MARCHF6: variants seen among roughly 807,000 people sequenced by gnomAD.
The protein encoded by MARCHF6 is membrane associated ring-CH-type finger 6, also known as E3 ubiquitin-protein ligase MARCHF6.
A neutral mutation model predicts 133.7 loss-of-function variants in MARCHF6; 31 were observed. That is an observed-to-expected ratio of 0.23 (90% confidence interval 0.17 to 0.31). MARCHF6 has a LOEUF of 0.31. Ranked by LOEUF, MARCHF6 falls within the 10% of genes least tolerant of loss-of-function variation. The pLI is 1.00. For missense variants in MARCHF6, 723 were observed against 1,121.6 expected (o/e 0.64, Z 5.08); for synonymous variants, 395 against 402.5 (o/e 0.98, Z 0.22).
At chr5:10,407,953 T>TCCCCCCCC (rs11349150) in intron 17 of MARCHF6, among the ~76,000 whole-genome samples, 1 of 81,872 alleles carries the variant, frequency 1.2e-5, no homozygotes, top group African/African-American at 5.4e-5. Context: ...TGAAACTGCA[T>TCCCCCCCC]CCCCCCCCCC....
chr5:10,402,188 A>G, intron 12 of MARCHF6, 49 bp downstream of exon 12: 1 of 1,269,444 alleles, frequency 7.9e-7, no homozygotes, highest in East Asian at 2.3e-5. Context: ...TATTCATACC[A>G]AAGAACTCTT....
intron 21 of MARCHF6, among the ~76,000 whole-genome samples, chr5:10,416,566 T>A (rs1302370398): frequency 6.6e-6 from 1 of 152,208 alleles, no homozygotes; most frequent in African/African-American, 2.4e-5. Context: ...AAACAAGTAT[T>A]TTGTCTTCCA....
At chr5:10,401,219 AT>A in intron 11 of MARCHF6, 1 of 169,634 alleles carries the variant, frequency 5.9e-6, no homozygotes, top group Non-Finnish European at 1.3e-5. Context: ...AGGGTAGAAT[AT>A]TTTGGAATGA....
intron 5 of MARCHF6, among the ~76,000 whole-genome samples, chr5:10,387,371 C>T (rs573625283): frequency 1.3e-4 from 19 of 150,492 alleles, no homozygotes; most frequent in South Asian, 1.3e-3. Flanking sequence ...GGTGCGATCT[C>T]GGCTCACTGC....
Position 10,353,696 on chromosome 5 carries a change from T to G in MARCHF6, c.-203T>G. ...CCCGCCCAGGCCTCGCCCCTAGGTG[T>G]TCCCGCCCCTCCCCCTCCCGTGTCG... On this transcript the variant is annotated 5_prime_UTR_variant, in exon 1 of 26. Coordinates refer to ENST00000274140, the MANE Select transcript of MARCHF6 (RefSeq NM_005885.4). 5.4e-6 allele frequency: 2 copies of G among 371,052 alleles called. No homozygotes were observed. Among genetic ancestry groups the G allele is most frequent in the Middle Eastern group, 5.7e-4 (1 of 1,750 alleles). 23.0% of individuals were successfully genotyped at this position (371,052 alleles called of 1,614,324 possible).
chr5:10,417,240 T>C (rs754205245), intron 21 of MARCHF6, 30 bp from the exon 22 acceptor site: 2 of 1,593,194 alleles, frequency 1.3e-6, no homozygotes, highest in Admixed American at 1.9e-5. Context: ...AAGATCCTCT[T>C]TAATGATGTG....
intron 4 of MARCHF6, among the ~76,000 whole-genome samples, chr5:10,383,901 TG>T (rs1402375724): frequency 6.6e-6 from 1 of 152,190 alleles, no homozygotes; most frequent in Non-Finnish European, 1.5e-5. Context: ...ATCTCATTTG[TG>T]GGGAGATTAT....
Position 10,439,203 on chromosome 5 carries a change from CAG to C in MARCHF6, c.*5522_*5523del, listed in dbSNP as rs1247676952. Reference sequence around the variant, plus strand: ...ATGTATGTGGACAACTGGTTTTTGACAGAGGTGCAAAGGTCTTGAAAAAATGA... The same window carrying C: ...ATGTATGTGGACAACTGGTTTTTGACAGGTGCAAAGGTCTTGAAAAAATGA... On this transcript the variant is annotated 3_prime_UTR_variant, in exon 26 of 26. Transcript: ENST00000274140. 6.6e-6 allele frequency: 1 copy of C among 152,108 alleles called. No homozygotes were observed. The highest frequency in any genetic ancestry group is 1.5e-5 in the Non-Finnish European group (1 of 68,020). 9.4% of individuals were successfully genotyped at this position (152,108 alleles called of 1,614,324 possible).
chr5:10,411,600 G>A, intron 19 of MARCHF6, 63 bp downstream of exon 19: 1 of 1,383,858 alleles, frequency 7.2e-7, no homozygotes, highest in Non-Finnish European at 9.9e-7. Flanking sequence ...TCTCCAAATT[G>A]CTGTTGAGAA....
intron 20 of MARCHF6, 64 bp from the exon 21 acceptor site, chr5:10,415,424 A>C (rs1739451131): frequency 7.2e-7 from 1 of 1,394,750 alleles, no homozygotes; most frequent in African/African-American, 1.4e-5. Flanking sequence ...TAACATAACA[A>C]CATGAAGATG....
rs1241488268 is a variant in MARCHF6 at position 10,387,306 on chromosome 5, C to CTTT, written c.407+252_407+254dup. Among the ~76,000 whole-genome samples, 4 of 139,786 alleles carry CTTT rather than the reference C, an allele frequency of 2.9e-5. No homozygotes were observed. In the East Asian group the frequency reaches 8.2e-4, roughly 29 times the overall value. 91.7% of individuals were successfully genotyped at this position (139,786 alleles called of 152,430 possible). On this transcript the variant is annotated intron_variant, in intron 5 of 25. Coordinates refer to ENST00000274140, the MANE Select transcript of MARCHF6 (RefSeq NM_005885.4). ...ATGATGGGATGACTTTTCTTTCTTT[C>CTTT]TTTTTTTTTTTTTTGAGATGGAGTC...
At position 10,410,250 on chromosome 5, in the gene MARCHF6, G is replaced by A. The variant is rs537257665; in HGVS notation, c.1665G>A (p.Ala555=). 355 of 1,613,192 alleles carry A rather than the reference G, an allele frequency of 2.2e-4. 4 individuals are homozygous for A. In the South Asian group the frequency reaches 3.4e-3, roughly 15 times the overall value. Residue 555 remains alanine (A), a synonymous_variant, in exon 18 of 26, where the codon GCG becomes GCA. Coordinates refer to ENST00000274140, the MANE Select transcript of MARCHF6 (RefSeq NM_005885.4). ...TRQWLKGLVR[A]WTVTAGYLLD... ...AGTGGCTGAAGGGGCTGGTGCGAGC[G>A]TGGACTGTGACCGCCGGATACTTGC...
At chr5:10,427,893 C>T (rs1474385230) in intron 24 of MARCHF6, among the ~76,000 whole-genome samples, 5 of 152,176 alleles carry the variant, frequency 3.3e-5, no homozygotes, top group African/African-American at 1.2e-4. Context: ...CATGGCGAGA[C>T]CCAACCTCTA....
chr5:10,355,049 A>G (rs1482470325), intron 1 of MARCHF6, among the ~76,000 whole-genome samples: 2 of 152,164 alleles, frequency 1.3e-5, no homozygotes, highest in Admixed American at 6.5e-5. Flanking sequence ...ATAGGTAGGT[A>G]TTATCTTTTA....
intron 2 of MARCHF6, 51 bp downstream of exon 2, chr5:10,377,945 T>C (rs1176243589): frequency 9.7e-7 from 1 of 1,030,832 alleles, no homozygotes; most frequent in South Asian, 1.3e-5. Context: ...AGTTTCGTCA[T>C]GTATACAGTA....
At chr5:10,393,457 G>A (rs971200457) in intron 7 of MARCHF6, among the ~76,000 whole-genome samples, 6 of 152,170 alleles carry the variant, frequency 3.9e-5, no homozygotes, top group African/African-American at 1.2e-4. Context: ...GAGAAAAAGC[G>A]ACTTGTGTAA....
intron 15 of MARCHF6, among the ~76,000 whole-genome samples, chr5:10,404,212 C>T (rs1229129600): frequency 6.6e-6 from 1 of 151,916 alleles, no homozygotes; most frequent in African/African-American, 2.4e-5. Context: ...GGACTGCAGG[C>T]ACCCACCACC....
At chr5:10,373,703 C>A (rs1579537094) in intron 1 of MARCHF6, among the ~76,000 whole-genome samples, 1 of 152,178 alleles carries the variant, frequency 6.6e-6, no homozygotes, top group South Asian at 2.1e-4. Context: ...GCTGTGGCTG[C>A]TATACCCTAC....
In MARCHF6 at chr5:10,402,061, C is replaced by A; in HGVS notation, c.975C>A (p.Val325=). 1 of 1,591,448 alleles carries A rather than the reference C, an allele frequency of 6.3e-7. No individual in the cohort carries two copies. The highest frequency in any genetic ancestry group is 8.6e-7 in the Non-Finnish European group (1 of 1,159,888). ...ATTTACTTTTTTCTTATTTCCAGGTCCAAGCATCTCATTTTGAAGGCCTAA... is the reference window on the plus strand; with the variant it reads ...ATTTACTTTTTTCTTATTTCCAGGTACAAGCATCTCATTTTGAAGGCCTAA... The part of the protein sequence containing the change: ...SLVGLGFEEH[V]QASHFEGLIT... Residue 325 remains valine (V), a splice_region_variant and synonymous_variant, in exon 12 of 26, where the codon GTC becomes GTA. Transcript: ENST00000274140.
Sources: allele counts gnomAD v4.1 joint callset (sites outside exome capture counted in the v4.1 genomes callset), GRCh38; gene constraint gnomAD v4.1.1; transcripts MANE v1.5; gene names NCBI Gene and HGNC (gene_info 2026-07-23, HGNC 2026-07-21).